Variants in DTWD2 observed in about 807,000 individuals in gnomAD.
DTWD2 encodes the protein tRNA-uridine aminocarboxypropyltransferase 2.
In DTWD2, 39 loss-of-function variants were observed where a neutral mutation model predicts 31.8. The ratio of observed to expected loss-of-function variants is 1.22; its 90% confidence interval spans 0.95 to 1.60. The LOEUF (loss-of-function observed/expected upper bound fraction) is 1.60. Among genes scored for constraint, DTWD2 ranks in the 40% most tolerant of loss-of-function variants. The pLI is 0.00. For missense variants in DTWD2, 515 were observed against 381.5 expected, an observed-to-expected ratio of 1.35 and a Z score of -2.92; for synonymous variants, 180 against 142.8, an observed-to-expected ratio of 1.26 and a Z score of -1.86.
intron 4 of DTWD2, among the ~76,000 whole-genome samples, chr5:118,926,991 G>T (rs764282551): frequency 6.6e-6 from 1 of 152,188 alleles, no homozygotes; most frequent in Non-Finnish European, 1.5e-5. Flanking sequence ...GCATGGTCAC[G>T]GTCCTGGTGA....
rs1752731584 is a variant in DTWD2, at chr5:118,881,162, T to C, written c.598-32944A>G. ...TTGTGTTTCTCATACTATGTTTAAATTCATACAGAAAAAGCAAATACAGTA... is the reference window on the plus strand; with the variant it reads ...TTGTGTTTCTCATACTATGTTTAAACTCATACAGAAAAAGCAAATACAGTA... On this transcript the variant is annotated intron_variant, in intron 4 of 5. Coordinates refer to ENST00000510708, the MANE Select transcript of DTWD2 (RefSeq NM_173666.4). 2.6e-5 allele frequency among the ~76,000 whole-genome samples: 4 copies of C among 152,220 alleles called. No homozygotes were observed. The South Asian group carries it at 8.3e-4, about 31-fold the overall frequency.
intron 4 of DTWD2, among the ~76,000 whole-genome samples, chr5:118,868,478 A>C (rs982738684): frequency 6.6e-6 from 1 of 152,206 alleles, no homozygotes; most frequent in African/African-American, 2.4e-5. Flanking sequence ...AAGGCAACTC[A>C]CAGAATGGGA....
At chr5:118,980,441 T>G (rs1755275426) in intron 1 of DTWD2, among the ~76,000 whole-genome samples, 1 of 152,246 alleles carries the variant, frequency 6.6e-6, no homozygotes, top group Non-Finnish European at 1.5e-5. Context: ...TCATGTCTTT[T>G]GCCAGTGTCC....
intron 4 of DTWD2, among the ~76,000 whole-genome samples, chr5:118,889,747 CA>C (rs1752939839): frequency 6.6e-6 from 1 of 152,030 alleles, no homozygotes; most frequent in Admixed American, 6.6e-5. Flanking sequence ...ATAGTTTTTT[CA>C]ACAATTATTT....
At chr5:118,971,632 C>G (rs562434147) in intron 1 of DTWD2, among the ~76,000 whole-genome samples, 1 of 152,186 alleles carries the variant, frequency 6.6e-6, no homozygotes, top group African/African-American at 2.4e-5. Flanking sequence ...TCAAGCAGAC[C>G]TGATAGAGAT....
intron 1 of DTWD2, among the ~76,000 whole-genome samples, chr5:118,953,724 C>A (rs1561469446): frequency 6.6e-6 from 1 of 152,160 alleles, no homozygotes; most frequent in African/African-American, 2.4e-5. Flanking sequence ...TATCACCTTC[C>A]ACCTGAGCTG....
At chr5:118,943,550 CAA>C (rs1270693139) in intron 2 of DTWD2, among the ~76,000 whole-genome samples, 18 of 63,892 alleles carry the variant, frequency 2.8e-4, no homozygotes, top group Non-Finnish European at 3.1e-4. Flanking sequence ...GACTCCGTCT[CAA>C]AAAAAAAAAA....
chr5:118,848,390 A>C (rs58910062), intron 4 of DTWD2, among the ~76,000 whole-genome samples, 172 bp from the exon 5 acceptor site: 3,799 of 152,302 alleles, frequency 0.025, 161 homozygotes, highest in African/African-American at 0.086. Flanking sequence ...TAAATAGTAG[A>C]AGATAGCTAT....
chr5:118,872,246 C>CT (rs1340513943), intron 4 of DTWD2, among the ~76,000 whole-genome samples: 1 of 152,196 alleles, frequency 6.6e-6, no homozygotes, highest in Non-Finnish European at 1.5e-5. Context: ...GTTATTTTCA[C>CT]TTTTTTATCA....
At chr5:118,873,768 G>C (rs1214980933) in intron 4 of DTWD2, among the ~76,000 whole-genome samples, 1 of 152,156 alleles carries the variant, frequency 6.6e-6, no homozygotes, top group East Asian at 1.9e-4. Flanking sequence ...ACTCCATCTT[G>C]AGGGGCACAG....
intron 1 of DTWD2, among the ~76,000 whole-genome samples, chr5:118,945,898 T>C (rs1024206886): frequency 1.3e-5 from 2 of 152,182 alleles, no homozygotes; most frequent in Non-Finnish European, 2.9e-5. Context: ...TACAATAGTA[T>C]ACAAATAAAT....
intron 4 of DTWD2, among the ~76,000 whole-genome samples, chr5:118,917,770 G>A (rs1453420652): frequency 6.6e-6 from 1 of 152,112 alleles, no homozygotes; most frequent in South Asian, 2.1e-4. Flanking sequence ...TCAAGAGTTC[G>A]AGACCAGAGT....
At chr5:118,987,888 G>C (rs1042957169) in intron 1 of DTWD2, among the ~76,000 whole-genome samples, 1 of 152,120 alleles carries the variant, frequency 6.6e-6, no homozygotes, top group African/African-American at 2.4e-5. Flanking sequence ...TGGTAGGATA[G>C]GTAAAGGAGA....
At chr5:118,923,349 T>G (rs1318914051) in intron 4 of DTWD2, among the ~76,000 whole-genome samples, 1 of 152,184 alleles carries the variant, frequency 6.6e-6, no homozygotes, top group African/African-American at 2.4e-5. Context: ...CATTAAAGTG[T>G]TAGTTGAATG....
At chr5:118,885,078 G>A (rs550177287) in intron 4 of DTWD2, among the ~76,000 whole-genome samples, 114 of 151,184 alleles carry the variant, frequency 7.5e-4, no homozygotes, top group Middle Eastern at 6.8e-3. Context: ...GGAAGCCAAG[G>A]CAGGAGGACT....
intron 4 of DTWD2, among the ~76,000 whole-genome samples, chr5:118,902,221 A>C (rs1033230112): frequency 2.0e-5 from 3 of 152,202 alleles, no homozygotes; most frequent in African/African-American, 7.2e-5. Flanking sequence ...AATATCAATT[A>C]TCAAATGTTC....
chr5:118,973,393 T>C (rs1230434150), intron 1 of DTWD2, among the ~76,000 whole-genome samples: 2 of 152,216 alleles, frequency 1.3e-5, no homozygotes, highest in African/African-American at 4.8e-5. Context: ...TGGCTGGTAC[T>C]TGTTTTTCCT....
intron 4 of DTWD2, among the ~76,000 whole-genome samples, chr5:118,910,142 G>C (rs1002648290): frequency 6.6e-6 from 1 of 151,966 alleles, no homozygotes; most frequent in African/African-American, 2.4e-5. Context: ...ACATGGCCAG[G>C]GTGACAATTT....
At chr5:118,962,195 G>A (rs952329527) in intron 1 of DTWD2, among the ~76,000 whole-genome samples, 3 of 151,934 alleles carry the variant, frequency 2.0e-5, no homozygotes, top group Non-Finnish European at 4.4e-5. Flanking sequence ...CCGAGATCAC[G>A]CCATTGCACT....
Sources: allele counts gnomAD v4.1 joint callset (sites outside exome capture counted in the v4.1 genomes callset), GRCh38; gene constraint gnomAD v4.1.1; transcripts MANE v1.5; gene names NCBI Gene and HGNC (gene_info 2026-07-23, HGNC 2026-07-21).